The following RAB3C variants were observed in gnomAD, a reference collection of about 807,000 sequenced individuals.
RAB3C encodes the protein RAB3C, member RAS oncogene family.
Under a neutral mutation model 26.4 loss-of-function variants are expected in RAB3C, and 17 were observed. That is an observed-to-expected ratio of 0.64 (90% CI 0.44 to 0.97). The LOEUF (loss-of-function observed/expected upper bound fraction) is 0.97. Ranked by LOEUF, RAB3C falls within the 50% of genes least tolerant of loss-of-function variation. RAB3C has a pLI of 0.00. For synonymous variants in RAB3C, 91 were observed against 95.9 expected (o/e 0.95, Z 0.30); for missense variants, 242 against 281.9 (o/e 0.86, Z 1.01).
At chr5:58,795,863 A>AG (rs966588825) in intron 3 of RAB3C, among the ~76,000 whole-genome samples, 2 of 150,918 alleles carry the variant, frequency 1.3e-5, no homozygotes, top group African/African-American at 4.9e-5. Flanking sequence ...AAGAAGTGAA[A>AG]AAAAGGCAGT....
chr5:58,772,332 G>T (rs1742046145), intron 3 of RAB3C, among the ~76,000 whole-genome samples: 1 of 152,164 alleles, frequency 6.6e-6, no homozygotes, highest in Non-Finnish European at 1.5e-5. Flanking sequence ...ACATGGGATG[G>T]GGTGTTTGGA....
chr5:58,594,746 G>C (rs550278683), intron 1 of RAB3C, among the ~76,000 whole-genome samples: 1 of 151,412 alleles, frequency 6.6e-6, no homozygotes, highest in Admixed American at 6.6e-5. Flanking sequence ...TTTTTCAATG[G>C]CTCTTTTTTT....
intron 3 of RAB3C, among the ~76,000 whole-genome samples, chr5:58,813,635 C>T (rs3989146): frequency 0.1 from 957 of 9,514 alleles, 16 homozygotes; most frequent in South Asian, 0.2. Context: ...TATATATATA[C>T]ACACACACAC....
intron 4 of RAB3C, among the ~76,000 whole-genome samples, chr5:58,844,160 T>C (rs906941292): frequency 6.6e-6 from 1 of 152,124 alleles, no homozygotes; most frequent in South Asian, 2.1e-4. Context: ...AAAGTTTCTT[T>C]CTGGGGGGTG....
intron 2 of RAB3C, among the ~76,000 whole-genome samples, chr5:58,687,756 T>A (rs1344948093): frequency 6.6e-6 from 1 of 152,132 alleles, no homozygotes; most frequent in Non-Finnish European, 1.5e-5. Flanking sequence ...ATCCTACATG[T>A]AAGATGCACT....
At chr5:58,614,531 C>T (rs12697166) in intron 1 of RAB3C, among the ~76,000 whole-genome samples, 73,680 of 151,820 alleles carry the variant, frequency 0.49, 18,207 homozygotes, top group Non-Finnish European at 0.52. Flanking sequence ...AATAACTTTT[C>T]CTAATTAATT....
intron 3 of RAB3C, chr5:58,742,015 A>AG: frequency 6.6e-6 from 1 of 152,308 alleles, no homozygotes; most frequent in African/African-American, 2.4e-5. Flanking sequence ...AAAAAAAAAA[A>AG]AAGGATAAGT....
Position 58,851,300 on chromosome 5 carries a change from C to T in RAB3C, c.633C>T (p.Asn211=). 1 of 1,612,306 alleles carries T rather than the reference C, an allele frequency of 6.2e-7. No homozygotes were observed. The highest frequency in any genetic ancestry group is 8.5e-7 in the Non-Finnish European group (1 of 1,179,498). The stretch of plus-strand genomic sequence containing the variant: ...CTGCCATCACTGCTGCAAAGCAGAA[C>T]ACGAGACTCAAGGAAACTCCTCCTC... ...TDPAITAAKQ[N]TRLKETPPPP... Residue 211 remains asparagine, a synonymous_variant, in exon 5 of 5, where the codon AAC becomes AAT. Coordinates refer to ENST00000282878, the MANE Select transcript of RAB3C (RefSeq NM_138453.4).
chr5:58,731,822 A>C (rs1741028872), intron 3 of RAB3C, among the ~76,000 whole-genome samples: 2 of 152,170 alleles, frequency 1.3e-5, no homozygotes, highest in Admixed American at 1.3e-4. Flanking sequence ...AGTTACACAT[A>C]TATGGGTGAC....
chr5:58,666,960 G>A (rs1430111196), intron 2 of RAB3C, among the ~76,000 whole-genome samples: 1 of 152,110 alleles, frequency 6.6e-6, no homozygotes, highest in Non-Finnish European at 1.5e-5. Context: ...TTTTGTCCTG[G>A]GGAGACAACC....
In RAB3C at chr5:58,836,679, C is replaced by G. The variant is rs547293724; in HGVS notation, c.496+11517C>G. The stretch of plus-strand genomic sequence containing the variant: ...GCTTTTTTCACTTAATATAACGTCC[C>G]TCCAGTTCTACCCATATTGCTGTGA... On this transcript the variant is annotated intron_variant, in intron 4 of 4. Transcript: ENST00000282878. Among the ~76,000 whole-genome samples the G allele has an allele frequency of 4.1e-3, 619 of 149,748 alleles. 4 individuals carry two copies. Among genetic ancestry groups the G allele is most frequent in the African/African-American group, 0.015 (592 of 40,706 alleles).
At chr5:58,725,764 A>C (rs1740876194) in intron 2 of RAB3C, among the ~76,000 whole-genome samples, 1 of 152,030 alleles carries the variant, frequency 6.6e-6, no homozygotes, top group East Asian at 1.9e-4. Flanking sequence ...TGATCTTTAC[A>C]AATTATATAA....
intron 4 of RAB3C, among the ~76,000 whole-genome samples, chr5:58,840,488 G>GTTA (rs1743853745): frequency 6.6e-6 from 1 of 152,130 alleles, no homozygotes; most frequent in Non-Finnish European, 1.5e-5. Flanking sequence ...ATTGAGGTCT[G>GTTA]TTACTTGAGA....
intron 3 of RAB3C, among the ~76,000 whole-genome samples, chr5:58,738,470 TAGC>T (rs952457799): frequency 6.6e-6 from 1 of 152,176 alleles, no homozygotes; most frequent in Non-Finnish European, 1.5e-5. Flanking sequence ...AAACACATGT[TAGC>T]AGTTAATGTG....
intron 3 of RAB3C, among the ~76,000 whole-genome samples, chr5:58,783,225 T>A (rs1458723385): frequency 6.6e-6 from 1 of 152,038 alleles, no homozygotes; most frequent in African/African-American, 2.4e-5. Flanking sequence ...AAATGCCCCA[T>A]GAGATACTGA....
At chr5:58,794,156 T>A (rs1180922256) in intron 3 of RAB3C, 2 of 152,308 alleles carry the variant, frequency 1.3e-5, no homozygotes, top group African/African-American at 4.8e-5. Context: ...CAATGAAAAT[T>A]CACAGTGCTT....
intron 3 of RAB3C, chr5:58,741,634 A>C (rs745776452): frequency 6.6e-6 from 1 of 152,166 alleles, no homozygotes; most frequent in Non-Finnish European, 1.5e-5. Flanking sequence ...TTATTTATCT[A>C]TGAATAGTAA....
chr5:58,830,337 G>T (rs771441758), intron 4 of RAB3C, among the ~76,000 whole-genome samples: 3 of 152,110 alleles, frequency 2.0e-5, no homozygotes, highest in African/African-American at 4.8e-5. Context: ...TTCCCAAAAG[G>T]TCTAGATAAA....
At chr5:58,585,454 T>C (rs1745991625) in intron 1 of RAB3C, among the ~76,000 whole-genome samples, 1 of 152,000 alleles carries the variant, frequency 6.6e-6, no homozygotes, top group East Asian at 1.9e-4. Flanking sequence ...CCAAATATTT[T>C]TTTACTTAGG....
Sources: gnomAD v4.1 joint callset for allele counts (sites outside exome capture counted in the v4.1 genomes callset) on GRCh38, gnomAD v4.1.1 for gene constraint, MANE v1.5 for transcripts, NCBI Gene and HGNC (gene_info 2026-07-23, HGNC 2026-07-21) for gene names.